The following NDUFA5 variants were observed in gnomAD, a reference collection of about 807,000 sequenced individuals.
NDUFA5 encodes the protein NADH dehydrogenase [ubiquinone] 1 alpha subcomplex subunit 5.
Under a neutral mutation model 19.8 loss-of-function variants are expected in NDUFA5, and 11 were observed. The observed-to-expected ratio is 0.56, with a 90% confidence interval of 0.35 to 0.92. NDUFA5 has a LOEUF of 0.92. NDUFA5 is among the 40% of genes least tolerant of loss of function. The pLI, the probability that NDUFA5 is intolerant of heterozygous loss-of-function variation, is 0.01. For synonymous variants in NDUFA5, 47 were observed against 46.8 expected, an observed-to-expected ratio of 1.00 and a Z score of -0.01; for missense variants, 109 against 134.2, an observed-to-expected ratio of 0.81 and a Z score of 0.93.
the NDUFA5 span, among the ~76,000 whole-genome samples, chr7:123,591,769 T>C: frequency 3.9e-5 from 6 of 152,170 alleles, no homozygotes; most frequent in Non-Finnish European, 5.9e-5. Context: ...TCTTTTTATA[T>C]AGTGTCTCTG....
At chr7:123,565,248 G>A in the NDUFA5 span, among the ~76,000 whole-genome samples, 3 of 152,108 alleles carry the variant, frequency 2.0e-5, no homozygotes, top group Non-Finnish European at 4.4e-5. Flanking sequence ...AGCCTTCAAG[G>A]GATTGGATGA....
chr7:123,553,782 C>T (rs1798440900), intron 2 of NDUFA5, among the ~76,000 whole-genome samples: 1 of 152,090 alleles, frequency 6.6e-6, no homozygotes, highest in Admixed American at 6.6e-5. Flanking sequence ...AATACTGCCT[C>T]ATAGGGTATA....
the NDUFA5 span, among the ~76,000 whole-genome samples, chr7:123,593,773 C>T: frequency 6.6e-6 from 1 of 152,026 alleles, no homozygotes; most frequent in Admixed American, 6.6e-5. Context: ...TTGCTCTTCT[C>T]GAGGAATAGC....
the NDUFA5 span, chr7:123,567,147 T>C: frequency 6.8e-6 from 1 of 147,938 alleles, no homozygotes; most frequent in East Asian, 2.0e-4. Flanking sequence ...GGCCAATCCT[T>C]TTGCAGAGGG....
the NDUFA5 span, among the ~76,000 whole-genome samples, chr7:123,585,582 T>C: frequency 6.6e-6 from 1 of 151,688 alleles, no homozygotes; most frequent in Admixed American, 6.6e-5. Flanking sequence ...CATTGTGAAA[T>C]GATTACCACA....
the NDUFA5 span, among the ~76,000 whole-genome samples, chr7:123,566,016 C>G: frequency 7.1e-6 from 1 of 140,998 alleles, no homozygotes; most frequent in Admixed American, 7.2e-5. Flanking sequence ...GAGACTCCGT[C>G]TAAAAAAAAA....
chr7:123,544,120 T>C (rs774256551), intron 4 of NDUFA5, among the ~76,000 whole-genome samples: 15 of 152,190 alleles, frequency 9.9e-5, no homozygotes, highest in Non-Finnish European at 1.8e-4. Context: ...CAATTGAATA[T>C]TTATCAGACA....
the NDUFA5 span, among the ~76,000 whole-genome samples, chr7:123,590,891 G>A: frequency 5.3e-5 from 8 of 152,116 alleles, no homozygotes; most frequent in Non-Finnish European, 1.2e-4. Flanking sequence ...ACCTTGGGCA[G>A]TATGGCCATT....
chr7:123,570,086 T>G, the NDUFA5 span, among the ~76,000 whole-genome samples: 7 of 149,188 alleles, frequency 4.7e-5, no homozygotes, highest in South Asian at 8.6e-4. Flanking sequence ...CCAGGCTGGC[T>G]TGCAGTGGCA....
At chr7:123,597,604 G>A in the NDUFA5 span, among the ~76,000 whole-genome samples, 25 of 152,232 alleles carry the variant, frequency 1.6e-4, no homozygotes, top group African/African-American at 5.8e-4. Flanking sequence ...GGCCAAGGTG[G>A]GCAGATCACT....
chr7:123,544,446 C>T (rs1798050519), intron 4 of NDUFA5, among the ~76,000 whole-genome samples: 1 of 145,812 alleles, frequency 6.9e-6, no homozygotes, highest in Non-Finnish European at 1.5e-5. Flanking sequence ...TGTGGTGAGC[C>T]GAGATCATGC....
chr7:123,549,736 C>T (rs1441616235), intron 3 of NDUFA5, among the ~76,000 whole-genome samples: 1 of 152,148 alleles, frequency 6.6e-6, no homozygotes, highest in East Asian at 1.9e-4. Context: ...TGTGATCGTG[C>T]CACTGCACTC....
chr7:123,563,050 C>G, the NDUFA5 span, among the ~76,000 whole-genome samples: 2 of 152,124 alleles, frequency 1.3e-5, no homozygotes, highest in Non-Finnish European at 2.9e-5. Context: ...ATCCGCCCAC[C>G]TCGGTCTCTG....
At chr7:123,557,065 C>A (rs377166623) in intron 2 of NDUFA5, 2 of 537,956 alleles carry the variant, frequency 3.7e-6, no homozygotes, top group Non-Finnish European at 7.1e-6. Flanking sequence ...TGTAATCCAA[C>A]GCACCTAAGC....
At chr7:123,562,798 C>CTTTTTTTT (rs35492926), upstream of NDUFA5, among the ~76,000 whole-genome samples, 1 of 136,034 alleles carries the variant, frequency 7.4e-6, no homozygotes, top group Non-Finnish European at 1.6e-5. Flanking sequence ...TTCTTTCTTT[C>CTTTTTTTT]TTTTTTTTTT....
the NDUFA5 span, among the ~76,000 whole-genome samples, chr7:123,564,938 C>T: frequency 6.7e-6 from 1 of 149,760 alleles, no homozygotes; most frequent in South Asian, 2.1e-4. Context: ...TACACATACA[C>T]ACACAAGTAC....
At chr7:123,562,786 C>A (rs1489044694), upstream of NDUFA5, among the ~76,000 whole-genome samples, 8 of 136,410 alleles carry the variant, frequency 5.9e-5, no homozygotes, top group Non-Finnish European at 7.7e-5. Context: ...TTTTTCTTTT[C>A]TTTCTTTCTT....
At chr7:123,562,585 C>A (rs1798702379), upstream of NDUFA5, among the ~76,000 whole-genome samples, 1 of 152,130 alleles carries the variant, frequency 6.6e-6, no homozygotes, top group South Asian at 2.1e-4. Flanking sequence ...TTTCCTTAAA[C>A]CTCATGAACC....
chr7:123,580,301 A>T, the NDUFA5 span, among the ~76,000 whole-genome samples: 1 of 152,004 alleles, frequency 6.6e-6, no homozygotes, highest in Non-Finnish European at 1.5e-5. Flanking sequence ...TCTCTGTTGC[A>T]CTGCTTTTTA....
Sources: gnomAD v4.1 joint callset for allele counts (sites outside exome capture counted in the v4.1 genomes callset) on GRCh38, gnomAD v4.1.1 for gene constraint, MANE v1.5 for transcripts, NCBI Gene and HGNC (gene_info 2026-07-23, HGNC 2026-07-21) for gene names.